STK38: variants seen among roughly 807,000 people sequenced by gnomAD.
STK38 encodes the protein serine/threonine kinase 38, also known as serine/threonine-protein kinase 38.
In STK38, 26 loss-of-function variants were observed where a neutral mutation model predicts 59.0. The observed-to-expected ratio is 0.44, with a 90% CI of 0.32 to 0.61. STK38 has a LOEUF of 0.61. Ranked by LOEUF, STK38 falls within the 20% of genes least tolerant of loss-of-function variation. The pLI is 0.04. For synonymous variants in STK38, 175 were observed against 176.6 expected (o/e 0.99, Z 0.07); for missense variants, 433 against 566.0 (o/e 0.76, Z 2.38).
At chr6:36,538,450 CAA>C in intron 2 of STK38, among the ~76,000 whole-genome samples, 1 of 152,240 alleles carries the variant, frequency 6.6e-6, no homozygotes, top group East Asian at 1.9e-4. Context: ...ATGCAATTGT[CAA>C]AACTCATAAA....
Position 36,495,586 on chromosome 6 carries a change from G to T in STK38, c.*198C>A. 1 of 600,782 alleles carries T rather than the reference G, an allele frequency of 1.7e-6. No individual in the cohort carries two copies. The highest frequency in any genetic ancestry group is 2.7e-6 in the Non-Finnish European group (1 of 369,114). 37.2% of individuals were successfully genotyped at this position (600,782 alleles called of 1,614,324 possible). ...AGGATAGCTGTTTATGGCCGACGTAGTAGAAATGGTTGTCTTTGTTTACAG... is the reference window on the plus strand; with the variant it reads ...AGGATAGCTGTTTATGGCCGACGTATTAGAAATGGTTGTCTTTGTTTACAG... On this transcript the variant is annotated 3_prime_UTR_variant, in exon 14 of 14. Transcript: ENST00000229812.
At chr6:36,539,555 C>CA (rs1160226272) in intron 2 of STK38, among the ~76,000 whole-genome samples, 1 of 152,118 alleles carries the variant, frequency 6.6e-6, no homozygotes, top group Non-Finnish European at 1.5e-5. Flanking sequence ...CACAATCCTG[C>CA]AAGGCAAGTA....
intron 2 of STK38, among the ~76,000 whole-genome samples, chr6:36,527,882 GA>G (rs1238127243): frequency 2.6e-5 from 4 of 151,512 alleles, no homozygotes; most frequent in Non-Finnish European, 5.9e-5. Context: ...GGCAGATCAC[GA>G]GGTCAGGAGA....
chr6:36,533,430 A>C (rs1221286905), intron 2 of STK38, among the ~76,000 whole-genome samples: 1 of 152,236 alleles, frequency 6.6e-6, no homozygotes, highest in African/African-American at 2.4e-5. Flanking sequence ...CTTTCAAAAA[A>C]AGCAAAACCA....
intron 8 of STK38, 44 bp from the exon 9 acceptor site, chr6:36,506,688 A>G: frequency 6.3e-7 from 1 of 1,580,176 alleles, no homozygotes; most frequent in Non-Finnish European, 8.6e-7. Flanking sequence ...TCAGACCAAA[A>G]TGTTTACTAC....
At chr6:36,539,576 C>T (rs1387764400) in intron 2 of STK38, among the ~76,000 whole-genome samples, 2 of 152,102 alleles carry the variant, frequency 1.3e-5, no homozygotes. Flanking sequence ...GTATTATCCC[C>T]ATTTTCCTGA....
chr6:36,513,150 G>A (rs1401056662), intron 7 of STK38, among the ~76,000 whole-genome samples: 1 of 151,916 alleles, frequency 6.6e-6, no homozygotes, highest in African/African-American at 2.4e-5. Context: ...CTCCCAGGTA[G>A]CTGGGATTAC....
chr6:36,496,526 T>C, intron 13 of STK38, among the ~76,000 whole-genome samples, 185 bp downstream of exon 13: 1 of 152,222 alleles, frequency 6.6e-6, no homozygotes, highest in Non-Finnish European at 1.5e-5. Context: ...TGGGAGCTGA[T>C]ACTCATTTTC....
In STK38 at chr6:36,495,794, G is replaced by C; in HGVS notation, c.1388C>G (p.Ala463Gly). 2 of 1,613,934 alleles carry C rather than the reference G, an allele frequency of 1.2e-6. No homozygotes were observed. The highest frequency in any genetic ancestry group is 1.7e-6 in the Non-Finnish European group (2 of 1,179,880). The change falls in exon 14 of 14, where the codon GCA becomes GGA. Residue 463 changes from alanine to glycine, a missense_variant. Around this residue, in one of 3 missense-constraint regions of STK38, gnomAD observed 136 missense variants for 156.7 expected, o/e 0.87. Coordinates refer to ENST00000229812, the MANE Select transcript of STK38 (RefSeq NM_007271.4). ...ARGAIPSYMK[A>G]AK ...TCCGTGGCAAGAGTACTATTTTGCT[G>C]CTTTCATGTAGGAAGGTATTGCCCC... is the stretch of plus-strand genomic sequence containing the variant.
At chr6:36,519,871 T>C (rs1417914014) in intron 5 of STK38, among the ~76,000 whole-genome samples, 2 of 152,224 alleles carry the variant, frequency 1.3e-5, no homozygotes, top group African/African-American at 4.8e-5. Context: ...ATGTCATGTC[T>C]TACCCTTTAA....
Position 36,506,459 on chromosome 6 carries a change from T to C in STK38, c.834+124A>G, listed in dbSNP as rs1200527851. 2.4e-5 allele frequency: 23 copies of C among 970,636 alleles called. No individual in the cohort carries two copies. The East Asian group carries it at 5.9e-4, about 25-fold the overall frequency. The allele number at this position is 970,636 out of a possible 1,614,324, so 60.1% of individuals were successfully genotyped here. A position where few individuals can be genotyped will look rare whatever the true frequency, so the allele number is the denominator to read the frequency against. On this transcript the variant is annotated intron_variant, in intron 9 of 13. Coordinates refer to ENST00000229812, the MANE Select transcript of STK38 (RefSeq NM_007271.4). Reference sequence around the variant, plus strand: ...CTACCAACCTAACAACAGCACTCTCTTTAGGTAATCTTAAAAGCAAGGGAT... The same window carrying C: ...CTACCAACCTAACAACAGCACTCTCCTTAGGTAATCTTAAAAGCAAGGGAT...
rs371784436 is a variant in STK38, at chr6:36,512,950, G to A, written c.669+2388C>T. Among the ~76,000 whole-genome samples the A allele has an allele frequency of 2.4e-4, 36 of 152,206 alleles. No individual in the cohort carries two copies. The East Asian group carries it at 5.4e-3, about 23-fold the overall frequency. On this transcript the variant is annotated intron_variant, in intron 7 of 13. Coordinates refer to ENST00000229812, the MANE Select transcript of STK38 (RefSeq NM_007271.4). Reference sequence around the variant, plus strand: ...GCTGGGATTACAGACGTGGGCCACCGCGCCTGGCCAGCGTAATTTTTCTTC... The same window carrying A: ...GCTGGGATTACAGACGTGGGCCACCACGCCTGGCCAGCGTAATTTTTCTTC...
intron 11 of STK38, 58 bp from the exon 12 acceptor site, chr6:36,497,933 ACTTT>A (rs1276444802): frequency 9.6e-6 from 12 of 1,253,640 alleles, no homozygotes; most frequent in African/African-American, 4.8e-5. Context: ...AAAAAGAAAA[ACTTT>A]CTTTTTTTTT....
Position 36,495,748 on chromosome 6 carries a change from G to A in STK38, c.*36C>T, listed in dbSNP as rs990595822. The A allele has an allele frequency of 6.2e-7, 1 of 1,612,246 alleles. No individual in the cohort carries two copies. On this transcript the variant is annotated 3_prime_UTR_variant, in exon 14 of 14. Coordinates refer to ENST00000229812, the MANE Select transcript of STK38 (RefSeq NM_007271.4). Reference sequence around the variant, plus strand: ...GAGGAAAAGCATGATGTTATACAAAGAACTCTGCTCCACATAGGATTCCGT... The same window carrying A: ...GAGGAAAAGCATGATGTTATACAAAAAACTCTGCTCCACATAGGATTCCGT...
chr6:36,546,440 GC>G (rs139871373), intron 1 of STK38, among the ~76,000 whole-genome samples: 51 of 152,250 alleles, frequency 3.3e-4, no homozygotes, highest in African/African-American at 1.2e-3. Context: ...TAATTCAGAG[GC>G]AGGGTGAGCT....
chr6:36,518,103 T>G lies in STK38; in HGVS notation c.391-263A>C, dbSNP rs139001730. On this transcript the variant is annotated intron_variant, in intron 5 of 13. Transcript: ENST00000229812. ...AATGGCTTTAATGCAAATAGCAACT[T>G]TAACACTGCTATAAACTGAATCTCT... 2.9e-3 allele frequency among the ~76,000 whole-genome samples: 445 copies of G among 152,316 alleles called. 3 individuals are homozygous for G. Among genetic ancestry groups the G allele is most frequent in the Non-Finnish European group, 3.9e-3 (265 of 68,028 alleles).
intron 11 of STK38, 68 bp downstream of exon 11, chr6:36,498,294 GT>G: frequency 6.4e-7 from 1 of 1,564,102 alleles, no homozygotes; most frequent in Non-Finnish European, 8.6e-7. Flanking sequence ...GATAACAAAA[GT>G]TTTTAAAAAA....
chr6:36,519,429 G>A (rs377231616), intron 5 of STK38, among the ~76,000 whole-genome samples: 1 of 152,124 alleles, frequency 6.6e-6, no homozygotes, highest in Non-Finnish European at 1.5e-5. Flanking sequence ...GTCTCCCCTG[G>A]CTCCCATTAA....
rs1001307563 is a variant in STK38 at position 36,499,933 on chromosome 6, C to T, written c.892G>A (p.Gly298Arg). ...YIAPEVFMQT[G>R]YNKLCDWWSL... Reference sequence around the variant, plus strand: ...CACCAATCACAGAGCTTGTTGTACCCGGTCTGCATGAACACCTCAGGAGCA... The same window carrying T: ...CACCAATCACAGAGCTTGTTGTACCTGGTCTGCATGAACACCTCAGGAGCA... The change falls in exon 10 of 14, where the codon GGG (glycine) becomes AGG (arginine). Residue 298 changes from glycine to arginine, a missense_variant. Physicochemically the swap from Gly to Arg is moderately radical, Grantham distance 125. This residue lies in a region of STK38 where 293 missense variants were observed against 388.2 expected (regional missense o/e 0.75). Transcript: ENST00000229812. 5 of 1,614,100 alleles carry T rather than the reference C, an allele frequency of 3.1e-6. No homozygotes were observed. Among genetic ancestry groups the T allele is most frequent in the Middle Eastern group, 1.6e-4 (1 of 6,062 alleles).
Sources: gnomAD v4.1 joint callset for allele counts (sites outside exome capture counted in the v4.1 genomes callset) on GRCh38, gnomAD v4.1.1 for gene constraint, gnomAD v4.1.1 regional missense constraint, MANE v1.5 for transcripts, NCBI Gene and HGNC (gene_info 2026-07-23, HGNC 2026-07-21) for gene names.